OR1B1: variants seen among roughly 807,000 people sequenced by gnomAD.
The protein encoded by OR1B1 is olfactory receptor 1B1.
For missense variants in OR1B1, 414 were observed against 402.1 expected, an observed-to-expected ratio of 1.03 and a Z score of -0.25; for synonymous variants, 168 against 156.2, an observed-to-expected ratio of 1.08 and a Z score of -0.57.
chr9:122,630,071 G>A (rs1830190552), upstream of OR1B1, among the ~76,000 whole-genome samples: 2 of 152,272 alleles, frequency 1.3e-5, no homozygotes, highest in East Asian at 1.9e-4. Flanking sequence ...TCTGGAACAA[G>A]ACAAGGATGT....
the OR1B1 span, among the ~76,000 whole-genome samples, chr9:122,636,281 T>C: frequency 2.0e-5 from 3 of 152,358 alleles, no homozygotes; most frequent in South Asian, 6.2e-4. Context: ...TATACACATA[T>C]GAACCCATGT....
At chr9:122,632,977 C>A (rs187540429), upstream of OR1B1, among the ~76,000 whole-genome samples, 1 of 152,074 alleles carries the variant, frequency 6.6e-6, no homozygotes, top group African/African-American at 2.4e-5. Flanking sequence ...TCTCACATGG[C>A]GGCAGACAAG....
At chr9:122,656,942 C>T in the OR1B1 span, among the ~76,000 whole-genome samples, 1 of 152,046 alleles carries the variant, frequency 6.6e-6, no homozygotes, top group African/African-American at 2.4e-5. Flanking sequence ...TAGTTTAAAT[C>T]AACTGAGGGG....
At chr9:122,651,038 G>A in the OR1B1 span, among the ~76,000 whole-genome samples, 157 of 151,712 alleles carry the variant, frequency 1.0e-3, no homozygotes, top group African/African-American at 3.6e-3. Flanking sequence ...AAAAAAAAAT[G>A]GTTTGTCCCA....
chr9:122,655,435 C>T, the OR1B1 span, among the ~76,000 whole-genome samples: 5 of 152,006 alleles, frequency 3.3e-5, no homozygotes, highest in South Asian at 2.1e-4. Flanking sequence ...TCAACCCAGA[C>T]GCCCATCAAC....
upstream of OR1B1, among the ~76,000 whole-genome samples, chr9:122,631,825 G>C (rs897538284): frequency 6.6e-6 from 1 of 152,040 alleles, no homozygotes; most frequent in Non-Finnish European, 1.5e-5. Flanking sequence ...ACCCACACAG[G>C]GTATGTGAGA....
the OR1B1 span, among the ~76,000 whole-genome samples, chr9:122,650,551 T>C: frequency 3.3e-5 from 5 of 152,054 alleles, no homozygotes; most frequent in Non-Finnish European, 7.4e-5. Flanking sequence ...GCTCATGCTG[T>C]CATCTCCAGC....
At chr9:122,646,862 A>G in the OR1B1 span, among the ~76,000 whole-genome samples, 1 of 152,174 alleles carries the variant, frequency 6.6e-6, no homozygotes, top group Admixed American at 6.5e-5. Flanking sequence ...AACTACAGCA[A>G]CTTTTCAGGA....
upstream of OR1B1, among the ~76,000 whole-genome samples, chr9:122,632,483 C>A (rs1172128918): frequency 6.6e-6 from 1 of 152,072 alleles, no homozygotes; most frequent in African/African-American, 2.4e-5. Flanking sequence ...AGAGTAAGTT[C>A]TTTAGTGGTG....
At chr9:122,629,731 C>CTTTA (rs1215194298), upstream of OR1B1, among the ~76,000 whole-genome samples, 1 of 152,168 alleles carries the variant, frequency 6.6e-6, no homozygotes, top group African/African-American at 2.4e-5. Context: ...TTATTTTCTC[C>CTTTA]TTTATTTCTT....
At chr9:122,635,804 CCATA>C in the OR1B1 span, among the ~76,000 whole-genome samples, 2 of 152,040 alleles carry the variant, frequency 1.3e-5, no homozygotes, top group African/African-American at 2.4e-5. Flanking sequence ...TTTTTAAATT[CCATA>C]CATAGACACT....
chr9:122,646,925 A>T, the OR1B1 span, among the ~76,000 whole-genome samples: 4 of 152,174 alleles, frequency 2.6e-5, no homozygotes, highest in Non-Finnish European at 4.4e-5. Flanking sequence ...AAGCGAGAGG[A>T]CAAAGTTAAA....
chr9:122,653,657 C>T, the OR1B1 span, among the ~76,000 whole-genome samples: 1 of 152,102 alleles, frequency 6.6e-6, no homozygotes, highest in Non-Finnish European at 1.5e-5. Flanking sequence ...ATAGCACTTC[C>T]CCCTGGCTGA....
At chr9:122,639,872 C>T in the OR1B1 span, among the ~76,000 whole-genome samples, 1 of 151,926 alleles carries the variant, frequency 6.6e-6, no homozygotes, top group Non-Finnish European at 1.5e-5. Flanking sequence ...TCTTCACCCA[C>T]ACACAATGAT....
chr9:122,628,442 C>T (rs1830161608), downstream of OR1B1: 2 of 647,454 alleles, frequency 3.1e-6, no homozygotes, highest in Non-Finnish European at 5.6e-6. Flanking sequence ...CATCAAAGCA[C>T]AACATTGACA....
chr9:122,629,575 A>C, upstream of OR1B1: 1 of 1,289,236 alleles, frequency 7.8e-7, no homozygotes, highest in Non-Finnish European at 1.1e-6. Context: ...TTTAAGTCAA[A>C]AAGAAAGTCA....
upstream of OR1B1, among the ~76,000 whole-genome samples, chr9:122,633,125 G>A (rs780399386): frequency 5.3e-5 from 8 of 152,030 alleles, no homozygotes; most frequent in Non-Finnish European, 8.8e-5. Context: ...GAACACATAG[G>A]AATTCAAGAT....
the OR1B1 span, among the ~76,000 whole-genome samples, chr9:122,640,172 T>G: frequency 6.6e-6 from 1 of 152,158 alleles, no homozygotes; most frequent in Non-Finnish European, 1.5e-5. Context: ...TTTACTATTA[T>G]TATCCACTAT....
At chr9:122,655,786 C>A in the OR1B1 span, among the ~76,000 whole-genome samples, 18,773 of 151,442 alleles carry the variant, frequency 0.12, 3,414 homozygotes, top group African/African-American at 0.4. Context: ...CGTGGCGCAC[C>A]TTTACCTATG....
Sources: allele counts gnomAD v4.1 joint callset (sites outside exome capture counted in the v4.1 genomes callset), GRCh38; gene constraint gnomAD v4.1.1; transcripts MANE v1.5; gene names NCBI Gene and HGNC (gene_info 2026-07-23, HGNC 2026-07-21).